YTHDF2: variants seen among roughly 807,000 people sequenced by gnomAD.
YTHDF2 encodes YTH N6-methyladenosine RNA binding protein F2.
In YTHDF2, 2 loss-of-function variants were observed where a neutral mutation model predicts 50.4. The ratio of observed to expected loss-of-function variants is 0.04; its 90% CI spans 0.02 to 0.12. YTHDF2 has a LOEUF of 0.12. Among genes scored for constraint, YTHDF2 ranks in the 10% least tolerant of loss-of-function variants. YTHDF2 has a pLI of 1.00. For synonymous variants in YTHDF2, 217 were observed against 255.6 expected (o/e 0.85, Z 1.44); for missense variants, 483 against 722.6 (o/e 0.67, Z 3.80).
intron 4 of YTHDF2, among the ~76,000 whole-genome samples, chr1:28,750,892 A>G (rs748898237): frequency 1.3e-5 from 2 of 151,914 alleles, no homozygotes; most frequent in African/African-American, 2.4e-5. Flanking sequence ...TAGGAGTTCA[A>G]GACCATCCTG....
rs995223762 is a variant in YTHDF2, at chr1:28,737,682, G to A, written c.52G>A (p.Val18Ile). ...EQRPKGQGNK[V>I]QNGSVHQKDG... ...GAGACCAAAAGGTCAAGGAAACAAA[G>A]GTAAGTCCCGCTCCGCCGGTGGCCC... Residue 18 changes from valine to isoleucine, a missense_variant and splice_region_variant, in exon 2 of 5, where the codon GTA becomes ATA. Around this residue, in one of 4 missense-constraint regions of YTHDF2, gnomAD observed 385 missense variants for 475.8 expected, o/e 0.81. Transcript: ENST00000373812. 7 of 1,613,638 alleles carry A rather than the reference G, an allele frequency of 4.3e-6. No homozygotes were observed. In the Admixed American group the frequency reaches 1.2e-4, roughly 27 times the overall value.
At chr1:28,752,932 C>G (rs186556766) in intron 4 of YTHDF2, among the ~76,000 whole-genome samples, 10 of 151,868 alleles carry the variant, frequency 6.6e-5, no homozygotes, top group Middle Eastern at 3.4e-3. Flanking sequence ...TAAAGTATAG[C>G]TACTCAGGAG....
intron 3 of YTHDF2, 57 bp downstream of exon 3, chr1:28,738,395 C>G (rs561436393): frequency 7.4e-7 from 1 of 1,353,098 alleles, no homozygotes; most frequent in South Asian, 1.2e-5. Context: ...TCTTTCTCCG[C>G]CTTCTACCAA....
intron 2 of YTHDF2, 81 bp downstream of exon 2, chr1:28,737,763 G>A (rs1034800712): frequency 9.0e-5 from 140 of 1,557,828 alleles, no homozygotes; most frequent in Non-Finnish European, 1.2e-4. Context: ...AAGCGCCCCG[G>A]GCGGAGGACC....
chr1:28,763,871 G>GTTTT (rs58507391), intron 4 of YTHDF2, among the ~76,000 whole-genome samples: 2 of 142,494 alleles, frequency 1.4e-5, no homozygotes, highest in African/African-American at 2.6e-5. Flanking sequence ...ACCAACTTTT[G>GTTTT]TTTTTTTTTT....
chr1:28,742,742 A>G lies in YTHDF2; in HGVS notation c.472A>G (p.Ser158Gly), dbSNP rs2087795805. 1 of 1,614,166 alleles carries G rather than the reference A, an allele frequency of 6.2e-7. No individual in the cohort carries two copies. Residue 158 changes from serine (S) to glycine (G), a missense_variant, in exon 4 of 5, where the codon AGC becomes GGC. Coordinates refer to ENST00000373812, the MANE Select transcript of YTHDF2 (RefSeq NM_016258.3). The stretch of plus-strand genomic sequence containing the variant: ...TAGTAGCAATTATGCTTATGCACCT[A>G]GCTCCTTAGGTGGAGCCATGATTGA... ...GYSSNYAYAP[S>G]SLGGAMIDGQ... is the part of the protein sequence containing the mutation.
At chr1:28,753,798 C>A (rs2087995684) in intron 4 of YTHDF2, among the ~76,000 whole-genome samples, 1 of 151,652 alleles carries the variant, frequency 6.6e-6, no homozygotes, top group Non-Finnish European at 1.5e-5. Flanking sequence ...CCTCCCCCTC[C>A]CAGGTTCAAG....
intron 4 of YTHDF2, among the ~76,000 whole-genome samples, chr1:28,768,720 T>G (rs1050380135): frequency 6.6e-6 from 1 of 152,150 alleles, no homozygotes; most frequent in African/African-American, 2.4e-5. Context: ...AATTTTCAAG[T>G]CAAAAGTAAT....
At position 28,742,707 on chromosome 1, in the gene YTHDF2, G is replaced by A; in HGVS notation, c.437G>A (p.Ser146Asn). The change falls in exon 4 of 5, where the codon AGC (serine) becomes AAC (asparagine). Residue 146 changes from serine to asparagine, a missense_variant. By Grantham distance (46) the Ser-to-Asn change is conservative. Transcript: ENST00000373812. Reference sequence around the variant, plus strand: ...AGTTCTCAGGGACAGTCTACTCAGAGCTCTGGATATAGTAGCAATTATGCT... The same window carrying A: ...AGTTCTCAGGGACAGTCTACTCAGAACTCTGGATATAGTAGCAATTATGCT... Reference protein sequence around the residue: ...NNSSQGQSTQSSGYSSNYAYA... With the variant: ...NNSSQGQSTQNSGYSSNYAYA... The A allele has an allele frequency of 6.2e-7, 1 of 1,614,170 alleles. No individual in the cohort carries two copies. Among genetic ancestry groups the A allele is most frequent in the Non-Finnish European group, 8.5e-7 (1 of 1,180,036 alleles).
At chr1:28,737,491 C>A in intron 1 of YTHDF2, 167 bp from the exon 2 acceptor site, 1 of 940,882 alleles carries the variant, frequency 1.1e-6, no homozygotes, top group Non-Finnish European at 1.6e-6. Flanking sequence ...ACGGGCCTGG[C>A]GCTTTCCCCC....
chr1:28,748,846 A>G (rs1570468647), intron 4 of YTHDF2, among the ~76,000 whole-genome samples: 1 of 152,186 alleles, frequency 6.6e-6, no homozygotes, highest in African/African-American at 2.4e-5. Flanking sequence ...CAGACTTACT[A>G]TAATTTACCA....
At position 28,737,055 on chromosome 1, in the gene YTHDF2, C is replaced by T. The variant is rs1308863293; in HGVS notation, c.-66C>T. ...TCCGCCTGCTCCCGCAGACGGGGCTCATCTGCCGCCGCCGCCGCGCTGAGG... is the reference window on the plus strand; with the variant it reads ...TCCGCCTGCTCCCGCAGACGGGGCTTATCTGCCGCCGCCGCCGCGCTGAGG... On this transcript the variant is annotated 5_prime_UTR_variant, in exon 1 of 5. Transcript: ENST00000373812. 1.5e-5 allele frequency: 23 copies of T among 1,550,228 alleles called. No homozygotes were observed. Among genetic ancestry groups the T allele is most frequent in the Non-Finnish European group, 1.9e-5 (22 of 1,148,468 alleles).
chr1:28,753,911 T>A (rs1231197231), intron 4 of YTHDF2, among the ~76,000 whole-genome samples: 1 of 152,042 alleles, frequency 6.6e-6, no homozygotes, highest in Non-Finnish European at 1.5e-5. Flanking sequence ...TTCATCATGT[T>A]GGCTAGGCTG....
Position 28,743,412 on chromosome 1 carries a change from C to T in YTHDF2, c.1142C>T (p.Thr381Ile). 6.2e-7 allele frequency: 1 copy of T among 1,614,192 alleles called. No individual in the cohort carries two copies. Residue 381 changes from threonine (T) to isoleucine (I), a missense_variant, in exon 4 of 5, where the codon ACT becomes ATT. Thr to Ile is a moderately conservative substitution (Grantham distance 89). Coordinates refer to ENST00000373812, the MANE Select transcript of YTHDF2 (RefSeq NM_016258.3). This position sits in a 1 kb window ranked among gnomAD's most constrained non-coding sequence, Gnocchi z 6.9. ...VGQSQAGSGS[T>I]PSEPHPVLEK... ...CAGTCTCAGGCTGGTTCTGGATCTACTCCTTCAGAACCCCACCCAGTGTTG... is the reference window on the plus strand; with the variant it reads ...CAGTCTCAGGCTGGTTCTGGATCTATTCCTTCAGAACCCCACCCAGTGTTG...
At chr1:28,762,353 C>T (rs2088149432) in intron 4 of YTHDF2, among the ~76,000 whole-genome samples, 1 of 152,294 alleles carries the variant, frequency 6.6e-6, no homozygotes, top group Admixed American at 6.5e-5. Flanking sequence ...GATTGTGCCA[C>T]GGCACTCCAG....
At chr1:28,753,271 C>T (rs1316973088) in intron 4 of YTHDF2, among the ~76,000 whole-genome samples, 6 of 143,100 alleles carry the variant, frequency 4.2e-5, no homozygotes, top group African/African-American at 1.0e-4. Flanking sequence ...CCGTAATCCT[C>T]GCACTTTGGG....
intron 4 of YTHDF2, among the ~76,000 whole-genome samples, chr1:28,745,730 C>CT (rs35073193): frequency 1.8e-5 from 2 of 113,076 alleles, no homozygotes; most frequent in Non-Finnish European, 4.0e-5. Context: ...CCCCGCCCCC[C>CT]CCCCCCAAAA....
intron 4 of YTHDF2, among the ~76,000 whole-genome samples, chr1:28,765,033 C>G (rs2088196212): frequency 2.0e-5 from 3 of 152,044 alleles, no homozygotes; most frequent in African/African-American, 7.2e-5. Context: ...GTAAGGCCCT[C>G]TGTTCCTGGT....
chr1:28,757,525 T>G (rs2088051355), intron 4 of YTHDF2, among the ~76,000 whole-genome samples: 1 of 152,230 alleles, frequency 6.6e-6, no homozygotes, highest in Admixed American at 6.5e-5. Flanking sequence ...ATTCCGATTT[T>G]GCCTATATCA....
Sources: gnomAD v4.1 joint callset for allele counts (sites outside exome capture counted in the v4.1 genomes callset) on GRCh38, gnomAD v4.1.1 for gene constraint, gnomAD v4.1.1 regional missense constraint, Gnocchi (gnomAD v3.1) non-coding constraint, MANE v1.5 for transcripts, NCBI Gene and HGNC (gene_info 2026-07-23, HGNC 2026-07-21) for gene names.